Variants in TRAPPC9 observed in about 807,000 individuals in gnomAD.
The protein encoded by TRAPPC9 is trafficking protein particle complex subunit 9.
A neutral mutation model predicts 124.0 loss-of-function variants in TRAPPC9; 83 were observed. The observed-to-expected ratio is 0.67, with a 90% CI of 0.56 to 0.80. The LOEUF is 0.80. Ranked by LOEUF, TRAPPC9 falls within the 30% of genes least tolerant of loss-of-function variation. TRAPPC9 has a pLI of 0.00. For synonymous variants in TRAPPC9, 638 were observed against 617.5 expected (o/e 1.03, Z -0.49); for missense variants, 1,302 against 1,508.3 (o/e 0.86, Z 2.27).
chr8:139,873,365 A>G (rs911599234), intron 21 of TRAPPC9, among the ~76,000 whole-genome samples: 3 of 152,166 alleles, frequency 2.0e-5, no homozygotes, highest in Non-Finnish European at 4.4e-5. Context: ...GTGAACACTC[A>G]CAAGTGCATC....
intron 17 of TRAPPC9, among the ~76,000 whole-genome samples, chr8:140,167,568 T>C (rs2061866558): frequency 6.6e-6 from 1 of 152,186 alleles, no homozygotes. Flanking sequence ...AGCCTATGTC[T>C]GACTGGCAAA....
At chr8:140,128,463 C>CTT (rs2130683369) in intron 17 of TRAPPC9, among the ~76,000 whole-genome samples, 1 of 152,272 alleles carries the variant, frequency 6.6e-6, no homozygotes, top group South Asian at 2.1e-4. Context: ...GGTTAATGAG[C>CTT]GGCTAAAGGC....
intron 7 of TRAPPC9, among the ~76,000 whole-genome samples, chr8:140,384,037 C>T (rs900720025): frequency 2.0e-5 from 3 of 152,114 alleles, no homozygotes; most frequent in African/African-American, 7.2e-5. Flanking sequence ...GAAGTTTCAA[C>T]CCAGAATTTC....
At chr8:140,197,134 T>C (rs2062689709) in intron 17 of TRAPPC9, among the ~76,000 whole-genome samples, 2 of 151,890 alleles carry the variant, frequency 1.3e-5, no homozygotes, top group African/African-American at 2.4e-5. Flanking sequence ...GGGGACTGGA[T>C]CAGGACACTA....
chr8:139,775,927 C>T (rs962523039), intron 21 of TRAPPC9, among the ~76,000 whole-genome samples: 1 of 152,238 alleles, frequency 6.6e-6, no homozygotes, highest in African/African-American at 2.4e-5. Flanking sequence ...CCTTCGGGCA[C>T]ACCCAAGGCA....
At chr8:140,300,640 A>G (rs777581633) in intron 10 of TRAPPC9, 26 bp from the exon 11 acceptor site, 1 of 1,614,144 alleles carries the variant, frequency 6.2e-7, no homozygotes, top group African/African-American at 1.3e-5. Flanking sequence ...GAACACAAAT[A>G]CTTCAACTGT....
intron 19 of TRAPPC9, chr8:139,933,782 A>G (rs1833347423): frequency 6.6e-6 from 1 of 152,260 alleles, no homozygotes; most frequent in Non-Finnish European, 1.5e-5. Context: ...ACCAAAGTCC[A>G]TGATCAGTTC....
chr8:140,076,045 T>C (rs956322181), intron 17 of TRAPPC9, among the ~76,000 whole-genome samples: 6 of 152,226 alleles, frequency 3.9e-5, no homozygotes, highest in African/African-American at 1.4e-4. Flanking sequence ...ACATGATTCT[T>C]GTAAACCTCA....
chr8:139,945,400 T>C (rs1291562848), intron 19 of TRAPPC9, among the ~76,000 whole-genome samples: 1 of 151,888 alleles, frequency 6.6e-6, no homozygotes, highest in African/African-American at 2.4e-5. Context: ...CAGGACATAA[T>C]ACTCACCAAC....
chr8:140,289,005 G>A (rs1171561863), intron 12 of TRAPPC9, among the ~76,000 whole-genome samples: 8 of 152,234 alleles, frequency 5.3e-5, no homozygotes, highest in South Asian at 4.2e-4. Flanking sequence ...GTTCTCACGC[G>A]GGAAGAAAGG....
At chr8:139,785,572 AC>A (rs1822171792) in intron 21 of TRAPPC9, among the ~76,000 whole-genome samples, 4 of 147,798 alleles carry the variant, frequency 2.7e-5, no homozygotes, top group African/African-American at 7.8e-5. Context: ...ACACACACAC[AC>A]ACACAATTAG....
rs567933756 is a variant in TRAPPC9 at position 140,056,181 on chromosome 8, G to A, written c.2557-32102C>T. On this transcript the variant is annotated intron_variant, in intron 17 of 22. Transcript: ENST00000438773. ...CCCAGCACTTTGGGAGTCTGAGGCA[G>A]AAGGATCACTTGAGCCCAGGAGTTT... Among the ~76,000 whole-genome samples, 6 of 152,180 alleles carry A rather than the reference G, an allele frequency of 3.9e-5. No homozygotes were observed. In the South Asian group the frequency reaches 6.2e-4, roughly 16 times the overall value.
Position 140,247,057 on chromosome 8 carries a change from G to C in TRAPPC9, c.2431+5720C>G, listed in dbSNP as rs548735126. Among the ~76,000 whole-genome samples, 337 of 152,212 alleles carry C rather than the reference G, an allele frequency of 2.2e-3. 2 individuals carry two copies. Among genetic ancestry groups the C allele is most frequent in the Non-Finnish European group, 2.2e-3 (148 of 68,010 alleles). ...GTTTTAAATTATTGTGATGGATACT[G>C]TAAGAGCAGATTACCATGACATACT... On this transcript the variant is annotated intron_variant, in intron 16 of 22. Transcript: ENST00000438773.
chr8:139,778,093 C>G (rs1289718020), intron 21 of TRAPPC9, among the ~76,000 whole-genome samples: 1 of 152,192 alleles, frequency 6.6e-6, no homozygotes, highest in Non-Finnish European at 1.5e-5. Flanking sequence ...GCAAGAAACA[C>G]TTGAGAAGTT....
intron 11 of TRAPPC9, 132 bp from the exon 12 acceptor site, chr8:140,291,210 G>A (rs373749987): frequency 1.9e-5 from 16 of 838,024 alleles, no homozygotes; most frequent in Admixed American, 2.0e-5. Flanking sequence ...TTCTTGAGAT[G>A]GGTGATTCAA....
rs545690920 is a variant in TRAPPC9, at chr8:140,126,396, G to A, written c.2556+95063C>T. ...CCAGGTTCCAAACAAAGACGTTAACGAATCAGCCCCCCAGTCCCATGTCAA... is the reference window on the plus strand; with the variant it reads ...CCAGGTTCCAAACAAAGACGTTAACAAATCAGCCCCCCAGTCCCATGTCAA... On this transcript the variant is annotated intron_variant, in intron 17 of 22. Coordinates refer to ENST00000438773, the MANE Select transcript of TRAPPC9 (RefSeq NM_001160372.4). Among the ~76,000 whole-genome samples, 174 of 152,218 alleles carry A rather than the reference G, an allele frequency of 1.1e-3. 1 individual carries two copies. Among genetic ancestry groups the A allele is most frequent in the African/African-American group, 3.7e-3 (155 of 41,526 alleles).
At chr8:139,949,629 TA>T (rs371756388) in intron 19 of TRAPPC9, among the ~76,000 whole-genome samples, 1 of 152,006 alleles carries the variant, frequency 6.6e-6, no homozygotes, top group African/African-American at 2.4e-5. Context: ...ACATGCTGAG[TA>T]AAGCAGCCAG....
intron 7 of TRAPPC9, among the ~76,000 whole-genome samples, chr8:140,380,406 C>A (rs958429934): frequency 2.0e-5 from 3 of 152,076 alleles, no homozygotes; most frequent in Non-Finnish European, 4.4e-5. Flanking sequence ...GTAATCCCAG[C>A]GCTTTGGGAG....
Position 140,252,949 on chromosome 8 carries a change from A to C in TRAPPC9, c.2279-20T>G, listed in dbSNP as rs1176148357. 5.0e-6 allele frequency: 8 copies of C among 1,613,036 alleles called. No homozygotes were observed. The highest frequency in any genetic ancestry group is 6.8e-6 in the Non-Finnish European group (8 of 1,179,774). The stretch of plus-strand genomic sequence containing the variant: ...ATTTTTCTGTAATAATAACAATGAC[A>C]GTGATGAGGATGCTGTAACTGAGGC... On this transcript the variant is annotated intron_variant, in intron 15 of 22. Coordinates refer to ENST00000438773, the MANE Select transcript of TRAPPC9 (RefSeq NM_001160372.4). This position sits in a 1 kb window ranked among gnomAD's most constrained non-coding sequence, Gnocchi z 4.2.
Sources: allele counts gnomAD v4.1 joint callset (sites outside exome capture counted in the v4.1 genomes callset), GRCh38; gene constraint gnomAD v4.1.1; non-coding constraint Gnocchi (gnomAD v3.1); transcripts MANE v1.5; gene names NCBI Gene and HGNC (gene_info 2026-07-23, HGNC 2026-07-21).